Variants in SHPRH observed in about 807,000 individuals in gnomAD.
SHPRH encodes the protein E3 ubiquitin-protein ligase SHPRH.
Under a neutral mutation model 202.5 loss-of-function variants are expected in SHPRH, and 106 were observed. That is an observed-to-expected ratio of 0.52 (90% CI 0.45 to 0.62). SHPRH has a LOEUF of 0.62. Ranked by LOEUF, SHPRH falls within the 20% of genes least tolerant of loss-of-function variation. The probability of loss-of-function intolerance (pLI) is 0.00; values close to 1 mark genes in which losing one functional copy is unlikely to be tolerated. For synonymous variants in SHPRH, 729 were observed against 686.0 expected (o/e 1.06, Z -0.98); for missense variants, 1,710 against 2,020.0 (o/e 0.85, Z 2.94).
At chr6:145,860,068 A>C (rs960392484), downstream of SHPRH, among the ~76,000 whole-genome samples, 1 of 152,062 alleles carries the variant, frequency 6.6e-6, no homozygotes, top group African/African-American at 2.4e-5. Flanking sequence ...TATTTCTTAC[A>C]ACTATCATAC....
At chr6:145,918,018 T>C (rs1279130037) in intron 23 of SHPRH, 113 bp downstream of exon 23, 2 of 693,020 alleles carry the variant, frequency 2.9e-6, no homozygotes, top group East Asian at 5.8e-5. Flanking sequence ...TTCTGACTCA[T>C]ATAACACCAA....
chr6:145,931,929 T>C (rs1227506667), intron 14 of SHPRH, among the ~76,000 whole-genome samples: 12 of 151,678 alleles, frequency 7.9e-5, no homozygotes, highest in Non-Finnish European at 1.2e-4. Flanking sequence ...AATACATTTA[T>C]ATTAGGCCAT....
At chr6:145,896,724 C>T (rs1337020971) in intron 25 of SHPRH, among the ~76,000 whole-genome samples, 1 of 151,736 alleles carries the variant, frequency 6.6e-6, no homozygotes, top group Non-Finnish European at 1.5e-5. Context: ...TGGAATGAAA[C>T]TAGAAACCCA....
chr6:145,914,021 A>T (rs1171003158), intron 23 of SHPRH, among the ~76,000 whole-genome samples: 1 of 152,158 alleles, frequency 6.6e-6, no homozygotes, highest in Non-Finnish European at 1.5e-5. Context: ...TGTCCATTTG[A>T]TCTTACCATA....
At chr6:145,895,813 T>C (rs1177004447) in intron 25 of SHPRH, among the ~76,000 whole-genome samples, 2 of 151,990 alleles carry the variant, frequency 1.3e-5, no homozygotes, top group Non-Finnish European at 2.9e-5. Flanking sequence ...ATCTATCCAA[T>C]AGGGCTGAAT....
chr6:145,858,180 C>T, the SHPRH span, among the ~76,000 whole-genome samples: 3 of 152,014 alleles, frequency 2.0e-5, no homozygotes, highest in African/African-American at 7.2e-5. Context: ...GGTCACCACA[C>T]CTACCATATA....
In SHPRH at chr6:145,886,748, G is replaced by A. The variant is rs1356844147; in HGVS notation, c.4995C>T (p.Val1665=). ...GGTCTGCCAGGTCAGCCACAGTCAA[G>A]ACAGAGGCCTCTGAATGCTTTGCTG... ...NSSAKHSEAS[V]LTVADLADLF... Residue 1665 remains valine (V), a synonymous_variant, in exon 30 of 30, where the codon GTC becomes GTT. Transcript: ENST00000275233. 6.2e-7 allele frequency: 1 copy of A among 1,613,750 alleles called. No homozygotes were observed. Among genetic ancestry groups the A allele is most frequent in the South Asian group, 1.1e-5 (1 of 91,060 alleles).
chr6:145,864,943 TCACA>T (rs71552940), intron 2 of SHPRH, among the ~76,000 whole-genome samples: 2,945 of 102,772 alleles, frequency 0.029, 35 homozygotes, highest in African/African-American at 0.034. Flanking sequence ...ACACACACAC[TCACA>T]CACACACACA....
rs117936275 is a variant in SHPRH, at chr6:145,959,374, T to A, written c.-32-4020A>T. 2.2e-3 allele frequency among the ~76,000 whole-genome samples: 340 copies of A among 152,316 alleles called. 7 individuals are homozygous for A. In the East Asian group the frequency reaches 0.025, roughly 11 times the overall value. On this transcript the variant is annotated intron_variant, in intron 1 of 29. Transcript: ENST00000275233. ...ATTTAAATATGTTTAAATATACAAA[T>A]ACTACGGTGTGACAACTGCCTACAG...
chr6:145,896,952 G>C (rs1371997007), intron 25 of SHPRH, among the ~76,000 whole-genome samples: 2 of 151,758 alleles, frequency 1.3e-5, no homozygotes, highest in Non-Finnish European at 2.9e-5. Flanking sequence ...AAAGAGAAAT[G>C]TTCTAAATAA....
chr6:145,859,371 T>C (rs1242124436), downstream of SHPRH, among the ~76,000 whole-genome samples: 2 of 152,060 alleles, frequency 1.3e-5, no homozygotes, highest in Non-Finnish European at 2.9e-5. Context: ...CATTGATTTT[T>C]ATTTAGTATG....
intron 11 of SHPRH, among the ~76,000 whole-genome samples, chr6:145,939,630 C>T (rs1184580227): frequency 2.6e-5 from 4 of 152,098 alleles, no homozygotes; most frequent in African/African-American, 7.2e-5. Flanking sequence ...ACCTTATTAA[C>T]GCCTAAACAT....
intron 29 of SHPRH, among the ~76,000 whole-genome samples, chr6:145,887,149 C>T (rs1001097192): frequency 1.3e-5 from 2 of 152,076 alleles, no homozygotes; most frequent in African/African-American, 4.8e-5. Context: ...ATTAAAACAA[C>T]CTAAATAAAA....
intron 25 of SHPRH, among the ~76,000 whole-genome samples, chr6:145,900,957 A>G (rs911596081): frequency 2.0e-5 from 3 of 152,086 alleles, no homozygotes; most frequent in Non-Finnish European, 4.4e-5. Context: ...GAAAACTGCT[A>G]AGAGGGCAGA....
intron 11 of SHPRH, among the ~76,000 whole-genome samples, chr6:145,937,848 G>C (rs1488110335): frequency 2.0e-5 from 3 of 152,002 alleles, no homozygotes; most frequent in Non-Finnish European, 2.9e-5. Flanking sequence ...TCAGATCACA[G>C]CTCAGTTGTC....
intron 24 of SHPRH, among the ~76,000 whole-genome samples, chr6:145,911,963 A>T (rs1365080673): frequency 6.6e-6 from 1 of 152,032 alleles, no homozygotes; most frequent in East Asian, 1.9e-4. Flanking sequence ...GCAGCACTAT[A>T]TTGTACTTTA....
intron 16 of SHPRH, 132 bp from the exon 17 acceptor site, chr6:145,924,978 T>C (rs938503408): frequency 8.5e-6 from 5 of 589,370 alleles, no homozygotes; most frequent in African/African-American, 7.4e-5. Context: ...AGTCCAAGTA[T>C]ACTGTAGAGA....
Position 145,922,836 on chromosome 6 carries a change from C to G in SHPRH, c.3546G>C (p.Lys1182Asn). ...QQTGKLSMSE[K>N]FRDCRGLQFL... is the part of the protein sequence containing the mutation. ...ACTGAAGACCTCTGCAATCACGGAA[C>G]CTGATTCCCACACCAGCACCACACA... Residue 1182 changes from lysine (K) to asparagine (N), a missense_variant and splice_region_variant, in exon 19 of 30, where the codon AAG becomes AAC. By Grantham distance (94) the Lys-to-Asn change is moderately conservative. Coordinates refer to ENST00000275233, the MANE Select transcript of SHPRH (RefSeq NM_001042683.3). 1 of 1,607,126 alleles carries G rather than the reference C, an allele frequency of 6.2e-7. No individual in the cohort carries two copies. Among genetic ancestry groups the G allele is most frequent in the Non-Finnish European group, 8.5e-7 (1 of 1,176,472 alleles).
downstream of SHPRH, chr6:145,884,209 G>C (rs1335155965): frequency 1.3e-5 from 2 of 152,094 alleles, no homozygotes; most frequent in Non-Finnish European, 2.9e-5. Flanking sequence ...TTTTTAGTTT[G>C]TTGTTCATGT....
Sources: allele counts gnomAD v4.1 joint callset (sites outside exome capture counted in the v4.1 genomes callset), GRCh38; gene constraint gnomAD v4.1.1; transcripts MANE v1.5; gene names NCBI Gene and HGNC (gene_info 2026-07-23, HGNC 2026-07-21).